RHOU: variants seen among roughly 807,000 people sequenced by gnomAD.
The protein encoded by RHOU is rho-related GTP-binding protein RhoU.
RHOU carries 8 observed loss-of-function variants against 12.6 expected under a neutral mutation model. The ratio of observed to expected loss-of-function variants is 0.64; its 90% confidence interval spans 0.37 to 1.15. The LOEUF is 1.15. Ranked by LOEUF, RHOU falls within the 50% of genes most tolerant of loss-of-function variation. RHOU has a pLI of 0.01. For synonymous variants in RHOU, 161 were observed against 147.4 expected (o/e 1.09, Z -0.67); for missense variants, 258 against 347.0 (o/e 0.74, Z 2.04).
At chr1:228,690,506 G>A in the RHOU span, among the ~76,000 whole-genome samples, 1 of 152,076 alleles carries the variant, frequency 6.6e-6, no homozygotes, top group African/African-American at 2.4e-5. Context: ...TGTATTTTTA[G>A]TAGAGACGGG....
chr1:228,705,522 G>A, the RHOU span, among the ~76,000 whole-genome samples: 4 of 152,062 alleles, frequency 2.6e-5, no homozygotes, highest in Non-Finnish European at 5.9e-5. Context: ...CCCTGCCTAG[G>A]TATGTAAGAA....
chr1:228,660,971 G>A, the RHOU span, among the ~76,000 whole-genome samples: 2 of 149,058 alleles, frequency 1.3e-5, no homozygotes, highest in South Asian at 2.1e-4. Flanking sequence ...AAGCTGATAA[G>A]CAACTTCAGC....
rs1482804157 is a variant in RHOU, at chr1:228,743,895, C to T, written c.*155C>T. 2 of 630,800 alleles carry T rather than the reference C, an allele frequency of 3.2e-6. No individual in the cohort carries two copies. 39.1% of individuals were successfully genotyped at this position (630,800 alleles called of 1,614,324 possible). A position where few individuals can be genotyped will look rare whatever the true frequency, so the allele number is the denominator to read the frequency against. ...TCTCAATTTTATGTATTCTTTCTGC[C>T]TTTAATTTTCTTGTTTGTTTGAGCT... is the stretch of plus-strand genomic sequence containing the variant. On this transcript the variant is annotated 3_prime_UTR_variant, in exon 3 of 3. Transcript: ENST00000366691. The surrounding 1 kb of genome is among the most constrained non-coding windows in gnomAD (Gnocchi z 5.1).
rs1360574414 is a variant in RHOU at position 228,745,460 on chromosome 1, T to C, written c.*1720T>C. On this transcript the variant is annotated 3_prime_UTR_variant, in exon 3 of 3. Coordinates refer to ENST00000366691, the MANE Select transcript of RHOU (RefSeq NM_021205.6). Reference sequence around the variant, plus strand: ...AGTTTGTGTTTTTCTATAGAAAAAGTAAAAGATCAGGTTATACTTTAGGTT... The same window carrying C: ...AGTTTGTGTTTTTCTATAGAAAAAGCAAAAGATCAGGTTATACTTTAGGTT... 1 of 152,214 alleles carries C rather than the reference T, an allele frequency of 6.6e-6. No individual in the cohort carries two copies. The highest frequency in any genetic ancestry group is 1.5e-5 in the Non-Finnish European group (1 of 68,030). The allele number at this position is 152,214 out of a possible 1,614,324, so 9.4% of individuals were successfully genotyped here.
chr1:228,718,835 C>T, the RHOU span, among the ~76,000 whole-genome samples: 6 of 152,110 alleles, frequency 3.9e-5, no homozygotes, highest in Admixed American at 1.3e-4. Context: ...ATGTCCACTG[C>T]GGGTGACCCT....
the RHOU span, among the ~76,000 whole-genome samples, chr1:228,668,278 T>C: frequency 6.6e-6 from 1 of 152,236 alleles, no homozygotes; most frequent in East Asian, 1.9e-4. Context: ...TCCTTTGTAA[T>C]GGACTGGTAA....
chr1:228,651,540 C>T, the RHOU span, among the ~76,000 whole-genome samples: 1 of 152,200 alleles, frequency 6.6e-6, no homozygotes, highest in Non-Finnish European at 1.5e-5. Context: ...TTCACACAGA[C>T]CTCAGGGTAG....
the RHOU span, chr1:228,651,311 C>T: frequency 5.9e-6 from 1 of 168,228 alleles, no homozygotes; most frequent in Non-Finnish European, 1.4e-5. Flanking sequence ...AGTGCTGGCT[C>T]CAGTGCCCAC....
the RHOU span, among the ~76,000 whole-genome samples, chr1:228,695,180 G>A: frequency 1.3e-5 from 2 of 152,072 alleles, no homozygotes; most frequent in African/African-American, 4.8e-5. Flanking sequence ...ATGTTGCCCA[G>A]GTTGGTCTCA....
At chr1:228,702,724 A>C in the RHOU span, among the ~76,000 whole-genome samples, 2 of 152,220 alleles carry the variant, frequency 1.3e-5, no homozygotes, top group South Asian at 4.1e-4. Context: ...ACAATTCTGA[A>C]GTCATTTTTT....
the RHOU span, among the ~76,000 whole-genome samples, chr1:228,657,086 G>A: frequency 1.3e-5 from 2 of 151,982 alleles, no homozygotes; most frequent in South Asian, 4.2e-4. Flanking sequence ...GACCAGCCTG[G>A]CCAACATGAT....
the RHOU span, among the ~76,000 whole-genome samples, chr1:228,726,747 T>TA: frequency 6.6e-6 from 1 of 152,188 alleles, no homozygotes; most frequent in African/African-American, 2.4e-5. Flanking sequence ...TGCCATCTTC[T>TA]AATCTATAAA....
At chr1:228,671,672 C>T in the RHOU span, among the ~76,000 whole-genome samples, 1 of 133,260 alleles carries the variant, frequency 7.5e-6, no homozygotes, top group Non-Finnish European at 1.5e-5. Context: ...AGCTGAGGGC[C>T]ACTGCACTCC....
intron 1 of RHOU, among the ~76,000 whole-genome samples, chr1:228,736,460 G>C (rs1382509072): frequency 1.3e-5 from 2 of 152,050 alleles, no homozygotes; most frequent in African/African-American, 2.4e-5. Context: ...GCTTTTAGGC[G>C]GCTCAGCTCA....
At chr1:228,711,445 T>C in the RHOU span, among the ~76,000 whole-genome samples, 1 of 152,158 alleles carries the variant, frequency 6.6e-6, no homozygotes, top group East Asian at 1.9e-4. Context: ...AGCATGGTAC[T>C]GGTACCAAAA....
the RHOU span, among the ~76,000 whole-genome samples, chr1:228,699,170 C>T: frequency 6.6e-6 from 1 of 151,358 alleles, no homozygotes; most frequent in African/African-American, 2.4e-5. Flanking sequence ...GGGTGGCTCA[C>T]ACCTGTAACC....
rs779862094 is a variant in RHOU at position 228,743,559 on chromosome 1, C to T, written c.596C>T (p.Ser199Phe). Residue 199 changes from serine (S) to phenylalanine (F), a missense_variant, in exon 3 of 3, where the codon TCC becomes TTC. Coordinates refer to ENST00000366691, the MANE Select transcript of RHOU (RefSeq NM_021205.6). The surrounding 1 kb of genome is among the most constrained non-coding windows in gnomAD (Gnocchi z 5.1). ...TGCGCCGAGGAAATCAAAGCCGCCTCCTACATCGAGTGTTCAGCCTTGACT... is the reference window on the plus strand; with the variant it reads ...TGCGCCGAGGAAATCAAAGCCGCCTTCTACATCGAGTGTTCAGCCTTGACT... Reference protein sequence around the residue: ...KLCAEEIKAASYIECSALTQK... With the variant: ...KLCAEEIKAAFYIECSALTQK... The T allele has an allele frequency of 3.1e-6, 5 of 1,614,064 alleles. No homozygotes were observed. Among genetic ancestry groups the T allele is most frequent in the Non-Finnish European group, 4.2e-6 (5 of 1,180,052 alleles).
the RHOU span, among the ~76,000 whole-genome samples, chr1:228,700,869 T>G: frequency 4.6e-5 from 7 of 152,094 alleles, no homozygotes; most frequent in African/African-American, 1.7e-4. Context: ...GGTGGATTGC[T>G]TGAGCCCAGG....
At chr1:228,714,064 A>G in the RHOU span, among the ~76,000 whole-genome samples, 2 of 152,182 alleles carry the variant, frequency 1.3e-5, no homozygotes, top group Admixed American at 1.3e-4. Context: ...GGAGACAATT[A>G]CATGATTTTT....
Sources: gnomAD v4.1 joint callset for allele counts (sites outside exome capture counted in the v4.1 genomes callset) on GRCh38, gnomAD v4.1.1 for gene constraint, Gnocchi (gnomAD v3.1) non-coding constraint, MANE v1.5 for transcripts, NCBI Gene and HGNC (gene_info 2026-07-23, HGNC 2026-07-21) for gene names.